Variants in MAX observed in about 807,000 individuals in gnomAD.
The protein encoded by MAX is MYC associated transcriptional regulator X.
In MAX, 3 loss-of-function variants were observed where a neutral mutation model predicts 22.3. That is an observed-to-expected ratio of 0.13 (90% CI 0.06 to 0.35). The LOEUF (loss-of-function observed/expected upper bound fraction) is 0.35. MAX is among the 10% of genes least tolerant of loss of function. The pLI is 1.00. For missense variants in MAX, 119 were observed against 209.4 expected (o/e 0.57, Z 2.66); for synonymous variants, 72 against 77.7 (o/e 0.93, Z 0.39).
At position 65,047,521 on chromosome 14, in the gene MAX, C is replaced by T. The variant is rs1371857976; in HGVS notation, c.172-41237G>A. Among the ~76,000 whole-genome samples the T allele has an allele frequency of 2.0e-5, 3 of 152,076 alleles. No individual in the cohort carries two copies. Among genetic ancestry groups the T allele is most frequent in the African/African-American group, 4.8e-5 (2 of 41,406 alleles). On this transcript the variant is annotated intron_variant, in intron 3 of 3. Transcript: ENST00000341653. The surrounding 1 kb of genome is among the most constrained non-coding windows in gnomAD (Gnocchi z 5.2). The stretch of plus-strand genomic sequence containing the variant: ...GGCAGAGATTAAAAAACTTGATACC[C>T]TATGTTGGGGAGAGTGTGAGAAAAC...
intron 3 of MAX, among the ~76,000 whole-genome samples, chr14:65,049,817 A>G (rs546992842): frequency 9.2e-5 from 14 of 152,252 alleles, no homozygotes; most frequent in South Asian, 2.1e-4. Context: ...TATAATTCCC[A>G]TACCACACAA....
chr14:65,070,633 G>A (rs1355064594), downstream of MAX, among the ~76,000 whole-genome samples: 1 of 152,218 alleles, frequency 6.6e-6, no homozygotes, highest in African/African-American at 2.4e-5. The surrounding 1 kb of genome is among the most constrained non-coding windows in gnomAD (Gnocchi z 4.4). Flanking sequence ...GTGTGTGCGA[G>A]CGTGCACATG....
intron 3 of MAX, among the ~76,000 whole-genome samples, chr14:65,051,683 A>G (rs2062614662): frequency 6.6e-6 from 1 of 152,002 alleles, no homozygotes; most frequent in South Asian, 2.1e-4. Flanking sequence ...ACTGTATCAT[A>G]AACTTTTCAT....
chr14:65,059,078 A>G (rs916180767), intron 3 of MAX, among the ~76,000 whole-genome samples: 1 of 152,070 alleles, frequency 6.6e-6, no homozygotes, highest in African/African-American at 2.4e-5. Flanking sequence ...GCTGGAGTAC[A>G]GTGCTGTGAT....
At chr14:65,043,747 G>A (rs910684103) in intron 3 of MAX, among the ~76,000 whole-genome samples, 6 of 145,536 alleles carry the variant, frequency 4.1e-5, no homozygotes, top group African/African-American at 7.6e-5. Flanking sequence ...GCGTGAACCC[G>A]GGAAGCGGAG....
chr14:65,060,382 A>G (rs1423767172), intron 3 of MAX, among the ~76,000 whole-genome samples: 1 of 150,332 alleles, frequency 6.7e-6, no homozygotes, highest in African/African-American at 2.5e-5. Flanking sequence ...TGAGGTCAGG[A>G]GTTCGAGACC....
In MAX at chr14:65,009,728, A is replaced by C. The variant is rs1299543032; in HGVS notation, c.172-3444T>G. On this transcript the variant is annotated intron_variant, in intron 3 of 3. Transcript: ENST00000341653. This position sits in a 1 kb window ranked among gnomAD's most constrained non-coding sequence, Gnocchi z 4.2. Reference sequence around the variant, plus strand: ...CTTTTGATCCAGCTGAACTAAACTAACTCAAATGTGTCATGGTGTTTTCTT... The same window carrying C: ...CTTTTGATCCAGCTGAACTAAACTACCTCAAATGTGTCATGGTGTTTTCTT... Among the ~76,000 whole-genome samples, 1 of 151,848 alleles carries C rather than the reference A, an allele frequency of 6.6e-6. No homozygotes were observed. Among genetic ancestry groups the C allele is most frequent in the Non-Finnish European group, 1.5e-5 (1 of 67,970 alleles).
Position 65,007,299 on chromosome 14 carries a change from A to G in MAX, c.172-1015T>C, listed in dbSNP as rs1208424695. Reference sequence around the variant, plus strand: ...GTCTGACACTTTAATACAGGAAGTAACCTTCACTGTTAGCTGAAGTGCATG... The same window carrying G: ...GTCTGACACTTTAATACAGGAAGTAGCCTTCACTGTTAGCTGAAGTGCATG... On this transcript the variant is annotated intron_variant, in intron 3 of 3. Transcript: ENST00000341653. This position sits in a 1 kb window ranked among gnomAD's most constrained non-coding sequence, Gnocchi z 4.9. Among the ~76,000 whole-genome samples, 1 of 152,240 alleles carries G rather than the reference A, an allele frequency of 6.6e-6. No individual in the cohort carries two copies. The highest frequency in any genetic ancestry group is 1.5e-5 in the Non-Finnish European group (1 of 68,042).
chr14:65,035,759 C>A (rs149181259), intron 3 of MAX, among the ~76,000 whole-genome samples: 1 of 152,114 alleles, frequency 6.6e-6, no homozygotes, highest in African/African-American at 2.4e-5. Flanking sequence ...GGCTTGAACT[C>A]CTGGGCTCAG....
At position 65,084,208 on chromosome 14, in the gene MAX, A is replaced by C. The variant is rs777635656; in HGVS notation, c.172-6172T>G. The C allele has an allele frequency of 6.2e-7, 1 of 1,614,066 alleles. No individual in the cohort carries two copies. Among genetic ancestry groups the C allele is most frequent in the Non-Finnish European group, 8.5e-7 (1 of 1,180,020 alleles). On this transcript the variant is annotated intron_variant, in intron 3 of 4. Transcript: ENST00000358664. The surrounding 1 kb of genome is among the most constrained non-coding windows in gnomAD (Gnocchi z 4.3). ...AATCTTGCATTCTTTTTTCTTGTGC[A>C]CTTGGTAGCTTGAAATGAAGGTGTG...
At position 65,028,879 on chromosome 14, in the gene MAX, A is replaced by G. The variant is rs1220053138; in HGVS notation, c.172-22595T>C. ...GTTGCTATTCCCCCAAAATATGCAC[A>G]GTCTTGAAACGCAGCTTTTAAAAAC... On this transcript the variant is annotated intron_variant, in intron 3 of 3. Transcript: ENST00000341653. This position sits in a 1 kb window ranked among gnomAD's most constrained non-coding sequence, Gnocchi z 4.4. 6.6e-6 allele frequency among the ~76,000 whole-genome samples: 1 copy of G among 152,228 alleles called. No homozygotes were observed. The highest frequency in any genetic ancestry group is 1.5e-5 in the Non-Finnish European group (1 of 68,044).
rs369021944 is a variant in MAX, at chr14:65,085,606, G to C, written c.172-7570C>G. Among the ~76,000 whole-genome samples the C allele has an allele frequency of 1.2e-4, 19 of 152,260 alleles. No homozygotes were observed. In the East Asian group the frequency reaches 3.5e-3, roughly 28 times the overall value. On this transcript the variant is annotated intron_variant, in intron 3 of 4. Transcript: ENST00000358664. ...TTAATTAGGTGATAAGTTAATCACA[G>C]AAATTAGGGAGACTGAGGAGAGGTC...
At position 65,012,477 on chromosome 14, in the gene MAX, C is replaced by CTGACCTGTTGCAGAGTCACTCTT; in HGVS notation, c.172-6216_172-6194dup. On this transcript the variant is annotated intron_variant, in intron 3 of 3. Transcript: ENST00000341653. This position sits in a 1 kb window ranked among gnomAD's most constrained non-coding sequence, Gnocchi z 5.0. ...ATTTAAACGTAAAAGACTGTTGGGG[C>CTGACCTGTTGCAGAGTCACTCTT]TGACCTGTTGCAGAGTCACTCTTTG... 1 of 1,540,512 alleles carries CTGACCTGTTGCAGAGTCACTCTT rather than the reference C, an allele frequency of 6.5e-7. No individual in the cohort carries two copies. The highest frequency in any genetic ancestry group is 8.9e-7 in the Non-Finnish European group (1 of 1,127,272).
Position 65,054,030 on chromosome 14 carries a change from T to C in MAX, c.171+39678A>G, listed in dbSNP as rs1427947642. ...ACTTTAAAATTACAGTTTCCTTTAA[T>C]AGTTTAAGGTAAAAAAAGAAAGAAA... On this transcript the variant is annotated intron_variant, in intron 3 of 3. Coordinates refer to the MAX transcript ENST00000341653. The surrounding 1 kb of genome is among the most constrained non-coding windows in gnomAD (Gnocchi z 4.4). Among the ~76,000 whole-genome samples the C allele has an allele frequency of 1.3e-5, 2 of 152,198 alleles. No homozygotes were observed. The highest frequency in any genetic ancestry group is 2.9e-5 in the Non-Finnish European group (2 of 68,030).
rs529914115 is a variant in MAX at position 65,037,704 on chromosome 14, T to C, written c.172-31420A>G. Among the ~76,000 whole-genome samples the C allele has an allele frequency of 9.1e-3, 1,335 of 146,992 alleles. 12 individuals carry two copies. The highest frequency in any genetic ancestry group is 0.018 in the Middle Eastern group (5 of 272). On this transcript the variant is annotated intron_variant, in intron 3 of 3. Transcript: ENST00000341653. ...CTTCCCCAAGTGCTGGGATTACAGG[T>C]GTGAGCCACCATGCCCAGCCTCTTA...
Position 65,045,126 on chromosome 14 carries a change from TTCTC to T in MAX, c.172-38846_172-38843del, listed in dbSNP as rs112266198. 4.6e-3 allele frequency among the ~76,000 whole-genome samples: 699 copies of T among 152,216 alleles called. 8 individuals are homozygous for T. Among genetic ancestry groups the T allele is most frequent in the East Asian group, 0.039 (204 of 5,176 alleles). On this transcript the variant is annotated intron_variant, in intron 3 of 3. Transcript: ENST00000341653. ...TTAGTGAGCAAAAAGTCTGGGAACA[TTCTC>T]TCTCTATCTCTTGAAACCTCAGTCT... is the stretch of plus-strand genomic sequence containing the variant.
At chr14:65,059,279 C>G (rs1595108449) in intron 3 of MAX, among the ~76,000 whole-genome samples, 1 of 152,026 alleles carries the variant, frequency 6.6e-6, no homozygotes, top group South Asian at 2.1e-4. Flanking sequence ...CTCAGCCACC[C>G]AAAGTGCTGG....
intron 3 of MAX, among the ~76,000 whole-genome samples, chr14:65,087,494 T>C (rs2063371330): frequency 1.3e-5 from 2 of 152,232 alleles, no homozygotes; most frequent in Admixed American, 6.5e-5. Flanking sequence ...ATGACCTCTA[T>C]GTGAGACATG....
rs775706054 is a variant in MAX, at chr14:65,077,690, T to A, written c.295+223A>T. On this transcript the variant is annotated intron_variant, in intron 4 of 4. Transcript: ENST00000358664. This position sits in a 1 kb window ranked among gnomAD's most constrained non-coding sequence, Gnocchi z 6.3. ...GGTCAGGCCAGAAAAGATACAAGTC[T>A]CCAGATGTCCAACTTCCTAGCTTCC... 2 of 1,547,684 alleles carry A rather than the reference T, an allele frequency of 1.3e-6. No individual in the cohort carries two copies. Among genetic ancestry groups the A allele is most frequent in the Non-Finnish European group, 1.7e-6 (2 of 1,146,182 alleles).
Sources: allele counts gnomAD v4.1 joint callset (sites outside exome capture counted in the v4.1 genomes callset), GRCh38; gene constraint gnomAD v4.1.1; non-coding constraint Gnocchi (gnomAD v3.1); transcripts MANE v1.5; gene names NCBI Gene and HGNC (gene_info 2026-07-23, HGNC 2026-07-21).